The following STAU2 variants were observed in gnomAD, a reference collection of about 807,000 sequenced individuals.
STAU2 encodes the protein staufen double-stranded RNA binding protein 2, also known as double-stranded RNA-binding protein Staufen homolog 2.
STAU2 carries 20 observed loss-of-function variants against 65.9 expected under a neutral mutation model. That is an observed-to-expected ratio of 0.30 (90% CI 0.21 to 0.44). The LOEUF is 0.44. STAU2 is among the 20% of genes least tolerant of loss of function. The pLI, the probability that STAU2 is intolerant of heterozygous loss-of-function variation, is 1.00. For missense variants in STAU2, 558 were observed against 683.9 expected, an observed-to-expected ratio of 0.82 and a Z score of 2.05; for synonymous variants, 232 against 233.9, an observed-to-expected ratio of 0.99 and a Z score of 0.07.
intron 6 of STAU2, among the ~76,000 whole-genome samples, chr8:73,644,583 G>C (rs1176350287): frequency 6.6e-6 from 1 of 151,906 alleles, no homozygotes; most frequent in Non-Finnish European, 1.5e-5. Context: ...GAAAGCAGAA[G>C]GTAGTAAATC....
intron 10 of STAU2, among the ~76,000 whole-genome samples, chr8:73,598,324 T>TTCA (rs1406654540): frequency 1.3e-5 from 2 of 149,256 alleles, no homozygotes; most frequent in Admixed American, 6.8e-5. Context: ...ACCTTCCGGG[T>TTCA]TCACGCCATT....
chr8:73,546,751 T>C (rs757469153), intron 13 of STAU2, among the ~76,000 whole-genome samples: 11 of 152,198 alleles, frequency 7.2e-5, no homozygotes, highest in Non-Finnish European at 1.5e-4. Context: ...TCCTTAGATA[T>C]AGCTGGATGC....
chr8:73,496,302 C>A (rs1245153493), intron 13 of STAU2, among the ~76,000 whole-genome samples: 3 of 151,398 alleles, frequency 2.0e-5, no homozygotes, highest in Non-Finnish European at 4.4e-5. Flanking sequence ...CTAAAATATG[C>A]ATACACAGCC....
intron 13 of STAU2, among the ~76,000 whole-genome samples, chr8:73,474,521 C>T (rs1820211446): frequency 6.7e-6 from 1 of 149,900 alleles, no homozygotes; most frequent in Non-Finnish European, 1.5e-5. Flanking sequence ...CAAACAAAAG[C>T]AAAACCAAAG....
At chr8:73,541,094 T>A (rs1002313701) in intron 13 of STAU2, among the ~76,000 whole-genome samples, 4 of 152,180 alleles carry the variant, frequency 2.6e-5, no homozygotes, top group African/African-American at 9.7e-5. Flanking sequence ...TGGTTGAGAT[T>A]TGAAAGTCTG....
At chr8:73,507,542 G>A (rs1338981695) in intron 13 of STAU2, among the ~76,000 whole-genome samples, 1 of 152,152 alleles carries the variant, frequency 6.6e-6, no homozygotes, top group Non-Finnish European at 1.5e-5. Context: ...TAGAGCACAG[G>A]CAGAGCAGAT....
At chr8:73,564,504 G>T (rs1198909783) in intron 12 of STAU2, among the ~76,000 whole-genome samples, 1 of 152,080 alleles carries the variant, frequency 6.6e-6, no homozygotes, top group East Asian at 1.9e-4. Context: ...AGGGTGGAGG[G>T]TGGAGGGTGG....
chr8:73,568,188 C>T lies in STAU2; in HGVS notation c.1222+14582G>A, dbSNP rs565674433. Among the ~76,000 whole-genome samples, 84 of 152,262 alleles carry T rather than the reference C, an allele frequency of 5.5e-4. 2 individuals carry two copies. The highest frequency in any genetic ancestry group is 6.8e-3 in the Middle Eastern group (2 of 294). The stretch of plus-strand genomic sequence containing the variant: ...TGTTGCCAAGGAAGGAGATTTTTGT[C>T]TTTTCAATTACTTGTACTCCATGTA... On this transcript the variant is annotated intron_variant, in intron 12 of 14. Transcript: ENST00000524300.
chr8:73,657,058 C>T (rs1049007355), intron 6 of STAU2, among the ~76,000 whole-genome samples: 2 of 152,182 alleles, frequency 1.3e-5, no homozygotes. Context: ...CCAAATAATG[C>T]AGCAGCCACC....
At chr8:73,443,054 T>A (rs1162286586) in intron 13 of STAU2, among the ~76,000 whole-genome samples, 1 of 152,208 alleles carries the variant, frequency 6.6e-6, no homozygotes, top group African/African-American at 2.4e-5. Flanking sequence ...GGGCAAGGGA[T>A]GTTATATCAA....
intron 13 of STAU2, among the ~76,000 whole-genome samples, chr8:73,509,628 T>G (rs6990875): frequency 0.67 from 101,466 of 151,808 alleles, 34,198 homozygotes; most frequent in East Asian, 0.93. Context: ...GATTGGATAT[T>G]AAAAAGGGTG....
intron 13 of STAU2, among the ~76,000 whole-genome samples, chr8:73,427,371 A>T (rs983376657): frequency 9.9e-5 from 15 of 152,174 alleles, no homozygotes; most frequent in Admixed American, 9.8e-4. Context: ...CAGTTTTGTC[A>T]TCTTTTGGCC....
chr8:73,658,783 C>T (rs1202990058), intron 6 of STAU2, among the ~76,000 whole-genome samples: 4 of 151,922 alleles, frequency 2.6e-5, no homozygotes, highest in African/African-American at 9.7e-5. Context: ...CATGGTGGCA[C>T]GTGCCTGTAG....
chr8:73,610,089 C>A (rs1399021844), intron 9 of STAU2, among the ~76,000 whole-genome samples: 1 of 151,906 alleles, frequency 6.6e-6, no homozygotes, highest in Admixed American at 6.6e-5. Context: ...GACCTGCCTG[C>A]ACAACGTTGC....
chr8:73,630,709 G>A (rs888127065), intron 6 of STAU2, among the ~76,000 whole-genome samples: 6 of 152,164 alleles, frequency 3.9e-5, no homozygotes, highest in Non-Finnish European at 8.8e-5. Context: ...CTGGGCTGGA[G>A]GGCCAGCTCA....
chr8:73,639,800 G>A (rs1814822219), intron 6 of STAU2, among the ~76,000 whole-genome samples: 1 of 151,876 alleles, frequency 6.6e-6, no homozygotes, highest in South Asian at 2.1e-4. Context: ...AAATTCAACT[G>A]CAAAATTATT....
At chr8:73,553,533 A>C (rs934435945) in intron 12 of STAU2, among the ~76,000 whole-genome samples, 3 of 152,182 alleles carry the variant, frequency 2.0e-5, no homozygotes, top group African/African-American at 7.2e-5. Flanking sequence ...CAAAGAACAA[A>C]AATCTATTCG....
chr8:73,567,444 T>A (rs929490597), intron 12 of STAU2, among the ~76,000 whole-genome samples: 1 of 151,802 alleles, frequency 6.6e-6, no homozygotes, highest in Non-Finnish European at 1.5e-5. Context: ...GAGGTGGAGG[T>A]GGCAGTGAGC....
chr8:73,549,835 AATAGTGT>A (rs200482183), intron 13 of STAU2: 26,463 of 985,364 alleles, frequency 0.027, 585 homozygotes, highest in Admixed American at 0.13. Flanking sequence ...AAAGTAACAG[AATAGTGT>A]ATAATCTGTA....
Sources: allele counts gnomAD v4.1 joint callset (sites outside exome capture counted in the v4.1 genomes callset), GRCh38; gene constraint gnomAD v4.1.1; transcripts MANE v1.5; gene names NCBI Gene and HGNC (gene_info 2026-07-23, HGNC 2026-07-21).